Variants in SLC25A24 observed in about 807,000 individuals in gnomAD.
SLC25A24 encodes mitochondrial adenyl nucleotide antiporter SLC25A24.
SLC25A24 carries 49 observed loss-of-function variants against 60.7 expected under a neutral mutation model. That is an observed-to-expected ratio of 0.81 (90% CI 0.64 to 1.02). The LOEUF (loss-of-function observed/expected upper bound fraction) is 1.02. Among genes scored for constraint, SLC25A24 ranks in the 50% least tolerant of loss-of-function variants. SLC25A24 has a pLI of 0.00. For synonymous variants in SLC25A24, 202 were observed against 200.6 expected (o/e 1.01, Z -0.06); for missense variants, 564 against 586.3 (o/e 0.96, Z 0.39).
At chr1:108,174,152 C>A (rs1271924678) in intron 3 of SLC25A24, among the ~76,000 whole-genome samples, 6 of 152,208 alleles carry the variant, frequency 3.9e-5, no homozygotes, top group Non-Finnish European at 7.4e-5. Flanking sequence ...GCCTCCAGGG[C>A]ACTTCAGAGG....
chr1:108,167,835 C>A (rs1199437623), intron 3 of SLC25A24, among the ~76,000 whole-genome samples: 1 of 152,166 alleles, frequency 6.6e-6, no homozygotes, highest in African/African-American at 2.4e-5. Context: ...AATCCTGGCA[C>A]CTCATTTTCA....
intron 9 of SLC25A24, among the ~76,000 whole-genome samples, chr1:108,137,844 G>C (rs1432837518): frequency 6.6e-6 from 1 of 152,350 alleles, no homozygotes; most frequent in African/African-American, 2.4e-5. Flanking sequence ...CCATCCCCAA[G>C]ATGGTTATGA....
At position 108,148,400 on chromosome 1, in the gene SLC25A24, T is replaced by C. The variant is rs1158606210; in HGVS notation, c.823-14A>G. 4 of 1,452,392 alleles carry C rather than the reference T, an allele frequency of 2.8e-6. No homozygotes were observed. Among genetic ancestry groups the C allele is most frequent in the Non-Finnish European group, 3.9e-6 (4 of 1,032,950 alleles). The allele number at this position is 1,452,392 out of a possible 1,614,324, so 90.0% of individuals were successfully genotyped here. A position where few individuals can be genotyped will look rare whatever the true frequency, so the allele number is the denominator to read the frequency against. On this transcript the variant is annotated splice_polypyrimidine_tract_variant and intron_variant, in intron 6 of 9. Coordinates refer to ENST00000565488, the MANE Select transcript of SLC25A24 (RefSeq NM_013386.5). ...TAACTTCTTGTACTGTATAAACAAG[T>C]TTTAAAATGCACATTACTACCTGCT...
intron 4 of SLC25A24, among the ~76,000 whole-genome samples, chr1:108,159,716 C>A (rs547803871): frequency 0.031 from 4,698 of 151,770 alleles, 238 homozygotes; most frequent in African/African-American, 0.11. Context: ...GCACATCTTG[C>A]ACCGCCCTTA....
chr1:108,157,714 T>A, intron 4 of SLC25A24, 94 bp from the exon 5 acceptor site: 1 of 1,351,720 alleles, frequency 7.4e-7, no homozygotes. Context: ...ATTTTACAGT[T>A]AATATGAACT....
At chr1:108,159,755 C>T (rs570733536) in intron 4 of SLC25A24, among the ~76,000 whole-genome samples, 5 of 151,734 alleles carry the variant, frequency 3.3e-5, no homozygotes, top group Admixed American at 6.6e-5. Flanking sequence ...GGACACAGCA[C>T]ATGTTTCAGA....
chr1:108,167,265 A>G (rs1257910724), intron 3 of SLC25A24, among the ~76,000 whole-genome samples: 1 of 151,534 alleles, frequency 6.6e-6, no homozygotes, highest in Non-Finnish European at 1.5e-5. Context: ...CCCTGCCCCC[A>G]GAGGTGGAGC....
intron 3 of SLC25A24, among the ~76,000 whole-genome samples, chr1:108,180,618 C>CTCTCTCTCTCTCGA (rs1647885639): frequency 7.7e-6 from 1 of 129,604 alleles, no homozygotes; most frequent in Non-Finnish European, 1.7e-5. Flanking sequence ...AGAGAAAGAT[C>CTCTCTCTCTCTCGA]TCTCTCTCTC....
At chr1:108,156,303 T>C (rs1469641598) in intron 5 of SLC25A24, among the ~76,000 whole-genome samples, 2 of 152,184 alleles carry the variant, frequency 1.3e-5, no homozygotes, top group African/African-American at 2.4e-5. Flanking sequence ...AACCTGAAGG[T>C]TGACTTTGGA....
In SLC25A24 at chr1:108,155,047, C is replaced by T; in HGVS notation, c.758G>A (p.Gly253Glu). 1 of 1,613,014 alleles carries T rather than the reference C, an allele frequency of 6.2e-7. No homozygotes were observed. Among genetic ancestry groups the T allele is most frequent in the South Asian group, 1.1e-5 (1 of 90,944 alleles). The change falls in exon 6 of 10, where the codon GGA (glycine) becomes GAA (glutamate). Residue 253 changes from glycine to glutamate, a missense_variant. Coordinates refer to ENST00000565488, the MANE Select transcript of SLC25A24 (RefSeq NM_013386.5). Reference sequence around the variant, plus strand: ...AATTTTGATGACGTTTGTACCATTTCCCCTCCAAAGCGAGCGGATACCTCC... The same window carrying T: ...AATTTTGATGACGTTTGTACCATTTTCCCTCCAAAGCGAGCGGATACCTCC... ...KEGGIRSLWR[G>E]NGTNVIKIAP...
At chr1:108,171,522 G>A (rs1647460278) in intron 3 of SLC25A24, among the ~76,000 whole-genome samples, 1 of 152,232 alleles carries the variant, frequency 6.6e-6, no homozygotes, top group Admixed American at 6.5e-5. Flanking sequence ...CATATATGCT[G>A]CCTCCAGGGC....
chr1:108,139,036 G>A, intron 9 of SLC25A24, 22 bp downstream of exon 9: 1 of 1,551,226 alleles, frequency 6.4e-7, no homozygotes, highest in Non-Finnish European at 8.7e-7. Context: ...TTATCGGTGT[G>A]GTTCTGTAAT....
chr1:108,191,511 T>A (rs1474224377), intron 1 of SLC25A24, among the ~76,000 whole-genome samples: 2 of 140,286 alleles, frequency 1.4e-5, no homozygotes, highest in Admixed American at 8.0e-5. Flanking sequence ...AAATAACATT[T>A]TGGACTGAAT....
At chr1:108,185,677 T>C in intron 2 of SLC25A24, 151 bp downstream of exon 2, 1 of 585,054 alleles carries the variant, frequency 1.7e-6, no homozygotes, top group Non-Finnish European at 2.9e-6. Flanking sequence ...ATATAAACTC[T>C]ACATAAAAAT....
chr1:108,160,094 G>A (rs1680018549), intron 4 of SLC25A24, among the ~76,000 whole-genome samples: 2 of 151,430 alleles, frequency 1.3e-5, no homozygotes, highest in African/African-American at 4.9e-5. Flanking sequence ...CGGGCGGGGG[G>A]CTGACCCCTC....
rs2101613799 is a variant in SLC25A24 at position 108,157,359 on chromosome 1, A to G, written c.669+103T>C. ...ATAGATTTATTTTTTAGGGTATAAA[A>G]GATTATTACTGAGAAATTTTAAAAC... is the stretch of plus-strand genomic sequence containing the variant. On this transcript the variant is annotated intron_variant, in intron 5 of 9. Coordinates refer to ENST00000565488, the MANE Select transcript of SLC25A24 (RefSeq NM_013386.5). The G allele has an allele frequency of 7.9e-6, 10 of 1,263,426 alleles. No individual in the cohort carries two copies. The South Asian group carries it at 1.4e-4, about 18-fold the overall frequency. 78.3% of individuals were successfully genotyped at this position (1,263,426 alleles called of 1,614,324 possible).
chr1:108,159,514 G>A (rs1387117986), intron 4 of SLC25A24, among the ~76,000 whole-genome samples: 1 of 148,088 alleles, frequency 6.8e-6, no homozygotes, highest in African/African-American at 2.5e-5. Flanking sequence ...TTCTCGCAGA[G>A]GGGGATTTGG....
chr1:108,149,457 C>G (rs978041668), intron 6 of SLC25A24, among the ~76,000 whole-genome samples: 1 of 152,176 alleles, frequency 6.6e-6, no homozygotes, highest in African/African-American at 2.4e-5. Flanking sequence ...ACTTACCTCA[C>G]AGGGTTATGG....
At chr1:108,196,287 C>G (rs1338904568) in intron 1 of SLC25A24, among the ~76,000 whole-genome samples, 1 of 152,290 alleles carries the variant, frequency 6.6e-6, no homozygotes. Context: ...ACACTTCATA[C>G]CCATGGGCAC....
Sources: allele counts gnomAD v4.1 joint callset (sites outside exome capture counted in the v4.1 genomes callset), GRCh38; gene constraint gnomAD v4.1.1; transcripts MANE v1.5; gene names NCBI Gene and HGNC (gene_info 2026-07-23, HGNC 2026-07-21).